Variants in ZFPM2 observed in about 807,000 individuals in gnomAD.
The protein encoded by ZFPM2 is zinc finger protein ZFPM2.
A neutral mutation model predicts 98.6 loss-of-function variants in ZFPM2; 20 were observed. The ratio of observed to expected loss-of-function variants is 0.20; its 90% CI spans 0.14 to 0.29. The LOEUF (loss-of-function observed/expected upper bound fraction) is 0.29, where lower values mean the gene tolerates loss of function less well. Among genes scored for constraint, ZFPM2 ranks in the 10% least tolerant of loss-of-function variants. ZFPM2 has a pLI of 1.00. For synonymous variants in ZFPM2, 518 were observed against 502.7 expected (o/e 1.03, Z -0.41); for missense variants, 1,310 against 1,388.6 (o/e 0.94, Z 0.90).
At chr8:105,423,851 G>C (rs1465913208) in intron 2 of ZFPM2, among the ~76,000 whole-genome samples, 1 of 152,166 alleles carries the variant, frequency 6.6e-6, no homozygotes, top group African/African-American at 2.4e-5. Flanking sequence ...AGTGGGATTG[G>C]CGTGGAGCAG....
intron 6 of ZFPM2, among the ~76,000 whole-genome samples, chr8:105,796,234 C>CAA (rs926869768): frequency 1.4e-5 from 2 of 138,066 alleles, no homozygotes; most frequent in East Asian, 4.2e-4. Flanking sequence ...GAATTTGAGG[C>CAA]AAAAGAATTT....
intron 5 of ZFPM2, among the ~76,000 whole-genome samples, chr8:105,669,803 T>A (rs1817555631): frequency 6.6e-6 from 1 of 152,158 alleles, no homozygotes; most frequent in Admixed American, 6.5e-5. Flanking sequence ...TCATGTAGGA[T>A]AACTTTATCT....
At chr8:105,451,283 A>G (rs1016613204) in intron 3 of ZFPM2, among the ~76,000 whole-genome samples, 2 of 152,188 alleles carry the variant, frequency 1.3e-5, no homozygotes, top group Admixed American at 1.3e-4. Context: ...GAAAATGGAT[A>G]CAGTGTCAAA....
At chr8:105,545,699 A>G (rs922803053) in intron 3 of ZFPM2, among the ~76,000 whole-genome samples, 11 of 152,194 alleles carry the variant, frequency 7.2e-5, no homozygotes, top group Admixed American at 2.0e-4. Flanking sequence ...CTGCTATATT[A>G]TAAGTACTTA....
At chr8:105,740,084 A>G (rs16873601) in intron 5 of ZFPM2, among the ~76,000 whole-genome samples, 16,430 of 152,036 alleles carry the variant, frequency 0.11, 1,319 homozygotes, top group East Asian at 0.35. Context: ...CCCAAATCCT[A>G]TCTTTATGTT....
At chr8:105,634,082 C>A (rs1326893327) in intron 4 of ZFPM2, among the ~76,000 whole-genome samples, 164 bp from the exon 5 acceptor site, 1 of 151,916 alleles carries the variant, frequency 6.6e-6, no homozygotes, top group Non-Finnish European at 1.5e-5. Context: ...AGCTTTACAG[C>A]TTCTGTCGTC....
chr8:105,789,968 G>A (rs1563565868), intron 6 of ZFPM2, among the ~76,000 whole-genome samples: 1 of 151,820 alleles, frequency 6.6e-6, no homozygotes, highest in Non-Finnish European at 1.5e-5. Flanking sequence ...GGAGTTCATT[G>A]TAGATTCTGG....
rs368864890 is a variant in ZFPM2, at chr8:105,769,070, C to T, written c.533-19648C>T. On this transcript the variant is annotated intron_variant, in intron 5 of 7. Transcript: ENST00000407775. ...CTTTTATTTGGAAGTTTGAAGAAAA[C>T]GTTTTAGCTCAGGTTTCTTTCTGCA... 1.1e-4 allele frequency among the ~76,000 whole-genome samples: 16 copies of T among 151,984 alleles called. No individual in the cohort carries two copies. The South Asian group carries it at 1.2e-3, about 12-fold the overall frequency.
intron 5 of ZFPM2, among the ~76,000 whole-genome samples, chr8:105,788,392 T>A (rs1813486927): frequency 6.6e-6 from 1 of 152,232 alleles, no homozygotes; most frequent in South Asian, 2.1e-4. Context: ...GGTTTTTAGG[T>A]ACTGTCTCAA....
chr8:105,632,312 G>A (rs1406192383), intron 4 of ZFPM2, among the ~76,000 whole-genome samples: 1 of 152,044 alleles, frequency 6.6e-6, no homozygotes, highest in Non-Finnish European at 1.5e-5. Context: ...TGGGATTATG[G>A]GCATGCACCA....
chr8:105,560,062 C>T (rs748690628), intron 3 of ZFPM2, among the ~76,000 whole-genome samples: 6 of 151,400 alleles, frequency 4.0e-5, no homozygotes, highest in East Asian at 3.9e-4. Context: ...CAAAATTAGC[C>T]GGACCTGATG....
At chr8:105,438,023 G>T (rs1418250444) in intron 2 of ZFPM2, among the ~76,000 whole-genome samples, 1 of 151,900 alleles carries the variant, frequency 6.6e-6, no homozygotes, top group Non-Finnish European at 1.5e-5. Flanking sequence ...AGCCTGGCAG[G>T]GAGAGACTCT....
intron 4 of ZFPM2, among the ~76,000 whole-genome samples, chr8:105,576,675 A>G (rs1234373880): frequency 1.3e-5 from 2 of 152,226 alleles, no homozygotes; most frequent in Admixed American, 1.3e-4. Context: ...GTATTTGTAT[A>G]TTAATGCTCC....
At chr8:105,716,291 G>A (rs562846882) in intron 5 of ZFPM2, among the ~76,000 whole-genome samples, 9 of 150,954 alleles carry the variant, frequency 6.0e-5, no homozygotes, top group African/African-American at 1.9e-4. Context: ...AATCAGTACA[G>A]TAATACTGCA....
At chr8:105,446,599 G>A (rs1440026999) in intron 3 of ZFPM2, among the ~76,000 whole-genome samples, 3 of 152,052 alleles carry the variant, frequency 2.0e-5, no homozygotes, top group South Asian at 2.1e-4. Context: ...TTCCATTTTC[G>A]TTTAAATTTA....
intron 5 of ZFPM2, among the ~76,000 whole-genome samples, chr8:105,693,125 G>A (rs561118051): frequency 6.6e-6 from 1 of 152,332 alleles, no homozygotes; most frequent in Non-Finnish European, 1.5e-5. Flanking sequence ...TATTAGAGAA[G>A]AAGGTTTATT....
intron 3 of ZFPM2, among the ~76,000 whole-genome samples, chr8:105,535,450 G>A (rs1460252382): frequency 1.3e-5 from 2 of 152,114 alleles, no homozygotes; most frequent in African/African-American, 2.4e-5. Flanking sequence ...AAACTCACTC[G>A]TATGTTGCAT....
intron 4 of ZFPM2, among the ~76,000 whole-genome samples, chr8:105,609,227 C>G (rs1239182417): frequency 6.6e-6 from 1 of 151,964 alleles, no homozygotes. Context: ...GGGATGGGTT[C>G]AAACTGGTAG....
At chr8:105,437,006 A>C (rs1480668069) in intron 2 of ZFPM2, among the ~76,000 whole-genome samples, 10 of 152,030 alleles carry the variant, frequency 6.6e-5, no homozygotes, top group Admixed American at 3.9e-4. Flanking sequence ...TCTACATCCA[A>C]ATTTATCATT....
Sources: allele counts gnomAD v4.1 joint callset (sites outside exome capture counted in the v4.1 genomes callset), GRCh38; gene constraint gnomAD v4.1.1; transcripts MANE v1.5; gene names NCBI Gene and HGNC (gene_info 2026-07-23, HGNC 2026-07-21).